RBFOX1: variants seen among roughly 807,000 people sequenced by gnomAD.
The protein encoded by RBFOX1 is RNA binding protein fox-1 homolog 1.
In RBFOX1, 8 loss-of-function variants were observed where a neutral mutation model predicts 57.7. That is an observed-to-expected ratio of 0.14 (90% CI 0.08 to 0.25). The LOEUF is 0.25. Among genes scored for constraint, RBFOX1 ranks in the 10% least tolerant of loss-of-function variants. RBFOX1 has a pLI of 1.00. For missense variants in RBFOX1, 611 were observed against 548.5 expected (o/e 1.11, Z -1.14); for synonymous variants, 326 against 222.4 (o/e 1.47, Z -4.15).
rs149837185 is a variant in RBFOX1, at chr16:5,658,217, T to C, written c.318+59256T>C. 9.8e-3 allele frequency among the ~76,000 whole-genome samples: 1,488 copies of C among 152,242 alleles called. 23 individuals carry two copies. The highest frequency in any genetic ancestry group is 0.034 in the African/African-American group (1,419 of 41,518). On this transcript the variant is annotated intron_variant, in intron 3 of 19. Coordinates refer to the RBFOX1 transcript ENST00000641259. The stretch of plus-strand genomic sequence containing the variant: ...CTGGGCATGATTTCTTCTCTTTTGT[T>C]ACTGGAGACCTCAGGCAAACAACCT...
chr16:5,370,999 G>A (rs1309971695), intron 1 of RBFOX1, among the ~76,000 whole-genome samples: 2 of 152,236 alleles, frequency 1.3e-5, no homozygotes, highest in East Asian at 3.9e-4. Context: ...CCAGGCTGGA[G>A]TGCAGTGGCA....
chr16:6,530,499 T>C (rs990353177), intron 2 of RBFOX1, among the ~76,000 whole-genome samples: 4 of 152,328 alleles, frequency 2.6e-5, no homozygotes, highest in Admixed American at 2.6e-4. Flanking sequence ...GATGCATAAC[T>C]ATCACAGATA....
At chr16:6,965,803 G>C (rs2084011013) in intron 3 of RBFOX1, among the ~76,000 whole-genome samples, 1 of 152,176 alleles carries the variant, frequency 6.6e-6, no homozygotes, top group Non-Finnish European at 1.5e-5. Flanking sequence ...CTGTTCATTA[G>C]TCAGTCTTTT....
chr16:7,156,691 C>G (rs1398181576), intron 4 of RBFOX1, among the ~76,000 whole-genome samples: 1 of 151,926 alleles, frequency 6.6e-6, no homozygotes, highest in Non-Finnish European at 1.5e-5. Flanking sequence ...CTATAGTATT[C>G]CCTTCTATGA....
At chr16:6,811,717 C>A (rs959713660) in intron 3 of RBFOX1, among the ~76,000 whole-genome samples, 1 of 151,970 alleles carries the variant, frequency 6.6e-6, no homozygotes, top group Non-Finnish European at 1.5e-5. Flanking sequence ...TGGTGAAATC[C>A]CATCTCTTCA....
At chr16:5,546,846 G>C (rs1013153062) in intron 2 of RBFOX1, among the ~76,000 whole-genome samples, 1 of 152,136 alleles carries the variant, frequency 6.6e-6, no homozygotes, top group African/African-American at 2.4e-5. Context: ...GAAAATGTCT[G>C]CAAACTATAT....
intron 4 of RBFOX1, among the ~76,000 whole-genome samples, chr16:7,114,808 G>A (rs190963110): frequency 6.6e-6 from 1 of 152,158 alleles, no homozygotes; most frequent in South Asian, 2.1e-4. Flanking sequence ...TAAGTTTTAG[G>A]TGTGATAGCT....
chr16:5,420,608 C>G (rs541382393), intron 1 of RBFOX1, among the ~76,000 whole-genome samples: 1 of 151,868 alleles, frequency 6.6e-6, no homozygotes, highest in Non-Finnish European at 1.5e-5. Context: ...TCCCCAGGCT[C>G]CAGCGATCCT....
chr16:7,294,267 G>A (rs1288831498), intron 4 of RBFOX1, among the ~76,000 whole-genome samples: 2 of 152,012 alleles, frequency 1.3e-5, no homozygotes, highest in African/African-American at 4.8e-5. Context: ...TCAGTCCTGT[G>A]CACTGGAAAC....
rs576172506 is a variant in RBFOX1, at chr16:7,346,754, C to T, written c.28-171393C>T. 3.3e-5 allele frequency among the ~76,000 whole-genome samples: 5 copies of T among 152,200 alleles called. No individual in the cohort carries two copies. The East Asian group carries it at 9.7e-4, about 30-fold the overall frequency. On this transcript the variant is annotated intron_variant, in intron 4 of 15. Coordinates refer to ENST00000550418, the MANE Select transcript of RBFOX1 (RefSeq NM_018723.4). The stretch of plus-strand genomic sequence containing the variant: ...GGGCTTCCTGTGGGTTGACTGAAGA[C>T]CCATAAGATTCATGAGACCCATACG...
At chr16:6,091,232 T>A (rs1246430830) in intron 1 of RBFOX1, among the ~76,000 whole-genome samples, 1 of 152,160 alleles carries the variant, frequency 6.6e-6, no homozygotes, top group Admixed American at 6.5e-5. Context: ...CTTCCCAGCC[T>A]TAGTCACCAT....
intron 4 of RBFOX1, among the ~76,000 whole-genome samples, chr16:5,870,383 A>G (rs2057441272): frequency 6.7e-6 from 1 of 150,348 alleles, no homozygotes; most frequent in African/African-American, 2.4e-5. Flanking sequence ...CAAAAAAAAA[A>G]AAAAAAAAAT....
intron 2 of RBFOX1, among the ~76,000 whole-genome samples, chr16:6,427,247 G>A (rs1465914438): frequency 6.6e-6 from 1 of 152,190 alleles, no homozygotes; most frequent in Non-Finnish European, 1.5e-5. Context: ...CTCTTGGCAG[G>A]CTTCCTGTGG....
chr16:5,779,426 G>A (rs1414412061), intron 3 of RBFOX1, among the ~76,000 whole-genome samples: 2 of 152,132 alleles, frequency 1.3e-5, no homozygotes, highest in African/African-American at 4.8e-5. Flanking sequence ...ATTCCATTCA[G>A]CACATAAAAA....
chr16:6,433,370 C>G (rs989528075), intron 2 of RBFOX1, among the ~76,000 whole-genome samples: 4 of 152,378 alleles, frequency 2.6e-5, no homozygotes, highest in Admixed American at 1.3e-4. Flanking sequence ...CCACCAGACA[C>G]TGTAGAGCCT....
intron 3 of RBFOX1, among the ~76,000 whole-genome samples, chr16:6,974,941 T>A: frequency 6.6e-6 from 1 of 152,166 alleles, no homozygotes; most frequent in South Asian, 2.1e-4. Flanking sequence ...AAACACTTTT[T>A]TAAAAGGATT....
At chr16:7,308,995 G>A (rs915107700) in intron 4 of RBFOX1, among the ~76,000 whole-genome samples, 8 of 152,166 alleles carry the variant, frequency 5.3e-5, no homozygotes, top group African/African-American at 1.7e-4. Context: ...ATAGTGCTAT[G>A]GATTGGGGGT....
chr16:6,786,380 A>G (rs1198757534), intron 3 of RBFOX1, among the ~76,000 whole-genome samples: 1 of 152,150 alleles, frequency 6.6e-6, no homozygotes, highest in Non-Finnish European at 1.5e-5. Flanking sequence ...AGACAGCATT[A>G]TTCTTCTTGT....
At chr16:6,383,668 G>GCAGAATCCTA (rs1176890464) in intron 2 of RBFOX1, among the ~76,000 whole-genome samples, 1 of 152,090 alleles carries the variant, frequency 6.6e-6, no homozygotes, top group Non-Finnish European at 1.5e-5. Flanking sequence ...TACTCGGGAG[G>GCAGAATCCTA]CTGAGGCAGG....
Sources: allele counts gnomAD v4.1 joint callset (sites outside exome capture counted in the v4.1 genomes callset), GRCh38; gene constraint gnomAD v4.1.1; transcripts MANE v1.5; gene names NCBI Gene and HGNC (gene_info 2026-07-23, HGNC 2026-07-21).